MERTK: variants seen among roughly 807,000 people sequenced by gnomAD.
MERTK encodes the protein tyrosine-protein kinase Mer.
Under a neutral mutation model 99.3 loss-of-function variants are expected in MERTK, and 69 were observed. The ratio of observed to expected loss-of-function variants is 0.70; its 90% CI spans 0.57 to 0.85. The LOEUF is 0.85. Among genes scored for constraint, MERTK ranks in the 40% least tolerant of loss-of-function variants. MERTK has a pLI of 0.00. For synonymous variants in MERTK, 426 were observed against 467.6 expected (o/e 0.91, Z 1.15); for missense variants, 1,125 against 1,249.4 (o/e 0.90, Z 1.50).
intron 6 of MERTK, among the ~76,000 whole-genome samples, chr2:111,970,380 C>T (rs1676081230): frequency 6.6e-6 from 1 of 151,880 alleles, no homozygotes; most frequent in Non-Finnish European, 1.5e-5. Context: ...TGTTCTCAAA[C>T]TCCTGACCTC....
intron 2 of MERTK, chr2:111,941,095 C>T (rs1425304040): frequency 1.5e-5 from 6 of 393,638 alleles, no homozygotes; most frequent in South Asian, 2.7e-5. Flanking sequence ...GGAGCTTATC[C>T]GTCACTAACT....
At chr2:111,916,389 A>C (rs1338350733) in intron 1 of MERTK, among the ~76,000 whole-genome samples, 2 of 152,116 alleles carry the variant, frequency 1.3e-5, no homozygotes, top group African/African-American at 4.8e-5. Flanking sequence ...CAGAGACTCT[A>C]TTCATTTTTT....
At chr2:111,944,534 G>GGAATTATTCCTTAAAATAATTCCT (rs1573589856) in intron 2 of MERTK, among the ~76,000 whole-genome samples, 1 of 23,604 alleles carries the variant, frequency 4.2e-5, no homozygotes, top group Admixed American at 3.9e-4. Context: ...TAAGGAATTA[G>GGAATTATTCCTTAAAATAATTCCT]CTCACACACA....
At chr2:111,986,784 T>C (rs1231269206) in intron 8 of MERTK, among the ~76,000 whole-genome samples, 1 of 152,226 alleles carries the variant, frequency 6.6e-6, no homozygotes, top group Non-Finnish European at 1.5e-5. Context: ...TGAGATCATT[T>C]ATTATGCTTT....
Position 112,029,398 on chromosome 2 carries a change from G to C in MERTK, c.*534G>C. On this transcript the variant is annotated 3_prime_UTR_variant, in exon 19 of 19. Coordinates refer to ENST00000295408, the MANE Select transcript of MERTK (RefSeq NM_006343.3). ...TGTTGAACTTACTTGAGACTTGAAA[G>C]ACAGTGGTCGGCAGCGGCCTTGTGG... The C allele has an allele frequency of 8.7e-6, 8 of 915,086 alleles. No individual in the cohort carries two copies. In the South Asian group the frequency reaches 1.5e-4, roughly 17 times the overall value. 56.7% of individuals were successfully genotyped at this position (915,086 alleles called of 1,614,324 possible). A position where few individuals can be genotyped will look rare whatever the true frequency, so the allele number is the denominator to read the frequency against.
intron 6 of MERTK, among the ~76,000 whole-genome samples, chr2:111,969,851 C>G (rs544450094): frequency 6.6e-6 from 1 of 152,242 alleles, no homozygotes; most frequent in African/African-American, 2.4e-5. Context: ...GCCACCGCGC[C>G]CAGCTAATTT....
intron 1 of MERTK, among the ~76,000 whole-genome samples, chr2:111,923,019 C>A (rs1384165074): frequency 6.6e-6 from 1 of 152,228 alleles, no homozygotes; most frequent in East Asian, 1.9e-4. Flanking sequence ...GGCATGCTGA[C>A]AGCCTCTCCA....
chr2:111,941,136 T>A (rs1393254734), intron 2 of MERTK: 1 of 350,580 alleles, frequency 2.9e-6, no homozygotes, highest in Non-Finnish European at 5.5e-6. Context: ...AAAATGCCAT[T>A]CTTTTTCCTA....
At chr2:111,989,894 C>T (rs929440398) in intron 8 of MERTK, among the ~76,000 whole-genome samples, 4 of 152,314 alleles carry the variant, frequency 2.6e-5, no homozygotes, top group African/African-American at 9.6e-5. Context: ...CCAGGAAATG[C>T]TTTCAGATGT....
At chr2:111,947,703 C>A in intron 4 of MERTK, 136 bp downstream of exon 4, 1 of 1,040,810 alleles carries the variant, frequency 9.6e-7, no homozygotes, top group Non-Finnish European at 1.5e-6. Flanking sequence ...AGTTATGGGA[C>A]CAGGTAGACG....
intron 7 of MERTK, among the ~76,000 whole-genome samples, chr2:111,980,856 C>T (rs995782990): frequency 1.3e-5 from 2 of 152,180 alleles, no homozygotes; most frequent in Non-Finnish European, 2.9e-5. Flanking sequence ...ATTATACCTT[C>T]TTCATCTCTT....
intron 17 of MERTK, 35 bp from the exon 18 acceptor site, chr2:112,022,223 G>T (rs895786546): frequency 4.3e-6 from 7 of 1,614,054 alleles, no homozygotes; most frequent in African/African-American, 1.3e-5. Flanking sequence ...TTGTGGAAAG[G>T]CTTGCATCCT....
chr2:111,909,664 T>C (rs1258918276), intron 1 of MERTK, among the ~76,000 whole-genome samples: 1 of 152,162 alleles, frequency 6.6e-6, no homozygotes, highest in African/African-American at 2.4e-5. Flanking sequence ...CACACTTCCA[T>C]GTAGACATAT....
At chr2:111,996,268 TG>T (rs1227122219) in intron 9 of MERTK, 2 of 154,348 alleles carry the variant, frequency 1.3e-5, no homozygotes, top group African/African-American at 2.4e-5. Flanking sequence ...TTAACCATAA[TG>T]GCATAAAGCA....
At chr2:111,962,082 C>A (rs1402423206) in intron 4 of MERTK, among the ~76,000 whole-genome samples, 2 of 152,160 alleles carry the variant, frequency 1.3e-5, no homozygotes, top group Admixed American at 6.5e-5. Context: ...TGCCAAGAAG[C>A]AAATGGTGGC....
At position 111,947,381 on chromosome 2, in the gene MERTK, G is replaced by A. The variant is rs780795945; in HGVS notation, c.584-13G>A. On this transcript the variant is annotated splice_polypyrimidine_tract_variant and intron_variant, in intron 3 of 18. Coordinates refer to ENST00000295408, the MANE Select transcript of MERTK (RefSeq NM_006343.3). ...GATCTGAAACATTCTTTTGTGTAAC[G>A]TTTTCTCCGCAGGACTTCCTCACTT... 9.9e-6 allele frequency: 16 copies of A among 1,612,194 alleles called. 1 individual carries two copies. Among genetic ancestry groups the A allele is most frequent in the Middle Eastern group, 1.6e-4 (1 of 6,078 alleles).
At chr2:111,932,208 G>C (rs1312704807) in intron 2 of MERTK, among the ~76,000 whole-genome samples, 1 of 152,128 alleles carries the variant, frequency 6.6e-6, no homozygotes, top group Non-Finnish European at 1.5e-5. Flanking sequence ...TTGAGACGGA[G>C]TCTTGCTCTG....
intron 5 of MERTK, among the ~76,000 whole-genome samples, chr2:111,967,193 G>A (rs191241437): frequency 6.6e-6 from 1 of 152,294 alleles, no homozygotes; most frequent in East Asian, 1.9e-4. Flanking sequence ...GGGTCAGGCA[G>A]ACCAGAGTTC....
intron 1 of MERTK, among the ~76,000 whole-genome samples, chr2:111,901,071 A>G (rs1238097642): frequency 1.3e-5 from 2 of 152,212 alleles, no homozygotes; most frequent in Admixed American, 6.5e-5. Context: ...TCACAAAGAC[A>G]TGCACACACA....
Sources: gnomAD v4.1 joint callset for allele counts (sites outside exome capture counted in the v4.1 genomes callset) on GRCh38, gnomAD v4.1.1 for gene constraint, MANE v1.5 for transcripts, NCBI Gene and HGNC (gene_info 2026-07-23, HGNC 2026-07-21) for gene names.